Variants in PRSS23 observed in about 807,000 individuals in gnomAD.
PRSS23 encodes the protein protease, serine 23.
Under a neutral mutation model 34.7 loss-of-function variants are expected in PRSS23, and 25 were observed. The ratio of observed to expected loss-of-function variants is 0.72; its 90% CI spans 0.53 to 1.01. The LOEUF (loss-of-function observed/expected upper bound fraction) is 1.01. PRSS23 is among the 50% of genes least tolerant of loss of function. The pLI, the probability that PRSS23 is intolerant of heterozygous loss-of-function variation, is 0.00. For missense variants in PRSS23, 445 were observed against 475.6 expected, an observed-to-expected ratio of 0.94 and a Z score of 0.60; for synonymous variants, 176 against 186.6, an observed-to-expected ratio of 0.94 and a Z score of 0.46.
At chr11:86,869,892 C>T (rs1203417723) in intron 2 of PRSS23, among the ~76,000 whole-genome samples, 2 of 152,166 alleles carry the variant, frequency 1.3e-5, no homozygotes, top group African/African-American at 2.4e-5. Flanking sequence ...AAACACAGTA[C>T]GTCGTCAGTA....
In PRSS23 at chr11:86,884,086, G is replaced by A. The variant is rs147643390; in HGVS notation, c.206+60493G>A. On this transcript the variant is annotated intron_variant, in intron 2 of 2. Coordinates refer to the PRSS23 transcript ENST00000533902. ...TAATTCTCTCTTATGGCTATAGCCAGTAAATCATCTAGTCTTATTGCCTCT... is the reference window on the plus strand; with the variant it reads ...TAATTCTCTCTTATGGCTATAGCCAATAAATCATCTAGTCTTATTGCCTCT... 4.0e-3 allele frequency among the ~76,000 whole-genome samples: 606 copies of A among 152,244 alleles called. 6 individuals carry two copies. Among genetic ancestry groups the A allele is most frequent in the Middle Eastern group, 0.027 (8 of 294 alleles).
At chr11:86,801,742 A>G (rs1389109297) in intron 1 of PRSS23, among the ~76,000 whole-genome samples, 1 of 152,340 alleles carries the variant, frequency 6.6e-6, no homozygotes, top group East Asian at 1.9e-4. Context: ...AACCGTGCCT[A>G]CCATGAAGTC....
chr11:86,892,595 G>A (rs1948849043), intron 2 of PRSS23, among the ~76,000 whole-genome samples: 1 of 152,152 alleles, frequency 6.6e-6, no homozygotes, highest in Non-Finnish European at 1.5e-5. Flanking sequence ...ATTGAATACT[G>A]GCTGCTCAGC....
rs375972375 is a variant in PRSS23 at position 86,821,778 on chromosome 11, C to T, written c.-11-1599C>T. On this transcript the variant is annotated intron_variant, in intron 1 of 2. Transcript: ENST00000533902. Reference sequence around the variant, plus strand: ...AATTATAAAAATCCTGTGCCCAGCCCGTTCCGCCTCAGCACGCTGCCCCCT... The same window carrying T: ...AATTATAAAAATCCTGTGCCCAGCCTGTTCCGCCTCAGCACGCTGCCCCCT... 5.8e-5 allele frequency: 63 copies of T among 1,078,144 alleles called. No individual in the cohort carries two copies. The African/African-American group carries it at 7.9e-4, about 13-fold the overall frequency. The allele number at this position is 1,078,144 out of a possible 1,614,324, so 66.8% of individuals were successfully genotyped here. A position where few individuals can be genotyped will look rare whatever the true frequency, so the allele number is the denominator to read the frequency against.
chr11:86,883,165 C>T (rs544689882), intron 2 of PRSS23, among the ~76,000 whole-genome samples: 1 of 152,088 alleles, frequency 6.6e-6, no homozygotes, highest in African/African-American at 2.4e-5. Context: ...TCTGTTTACT[C>T]CGTTGAAAAA....
intron 1 of PRSS23, among the ~76,000 whole-genome samples, chr11:86,804,857 T>C (rs562431023): frequency 6.6e-6 from 1 of 152,346 alleles, no homozygotes; most frequent in African/African-American, 2.4e-5. Flanking sequence ...TGCCATGTTC[T>C]TCATGCACAT....
intron 2 of PRSS23, among the ~76,000 whole-genome samples, chr11:86,846,343 T>G (rs1304321056): frequency 7.9e-5 from 12 of 152,118 alleles, no homozygotes; most frequent in Non-Finnish European, 1.8e-4. Flanking sequence ...TCCTTAGAAT[T>G]TGGAGGCTAA....
At chr11:86,940,142 A>T (rs771871161) in intron 2 of PRSS23, among the ~76,000 whole-genome samples, 34 of 152,220 alleles carry the variant, frequency 2.2e-4, no homozygotes, top group Non-Finnish European at 3.4e-4. Context: ...CTCTCCTCCC[A>T]AGGACCCTGT....
intron 2 of PRSS23, among the ~76,000 whole-genome samples, chr11:86,886,663 G>T (rs1038564941): frequency 1.6e-4 from 24 of 152,200 alleles, no homozygotes; most frequent in Non-Finnish European, 2.9e-4. Flanking sequence ...TTGCAGCCAG[G>T]TGCGGTGGCT....
chr11:86,835,434 G>T (rs1590886439), intron 2 of PRSS23, among the ~76,000 whole-genome samples: 1 of 152,324 alleles, frequency 6.6e-6, no homozygotes, highest in Non-Finnish European at 1.5e-5. Context: ...ATAAAGAAAA[G>T]TCTTGCCCCG....
intron 2 of PRSS23, among the ~76,000 whole-genome samples, chr11:86,873,074 C>A (rs1948695514): frequency 6.6e-6 from 1 of 151,880 alleles, no homozygotes; most frequent in African/African-American, 2.4e-5. Flanking sequence ...ATTTCAGGGG[C>A]TATGGTGGAC....
chr11:86,900,374 C>T (rs146693242), intron 2 of PRSS23, among the ~76,000 whole-genome samples: 1 of 152,318 alleles, frequency 6.6e-6, no homozygotes, highest in African/African-American at 2.4e-5. Context: ...TTGCAATATG[C>T]ATTTGATGAC....
At chr11:86,828,859 G>T (rs1466276281) in intron 2 of PRSS23, among the ~76,000 whole-genome samples, 2 of 152,202 alleles carry the variant, frequency 1.3e-5, no homozygotes, top group Non-Finnish European at 2.9e-5. Flanking sequence ...TCTGCCGAGA[G>T]ATCCGCTGTT....
chr11:86,796,266 C>T (rs918654763), upstream of PRSS23, among the ~76,000 whole-genome samples: 1 of 152,060 alleles, frequency 6.6e-6, no homozygotes, highest in Non-Finnish European at 1.5e-5. Flanking sequence ...AGTATGGCAC[C>T]GAGTAGACTA....
chr11:86,867,420 A>G (rs1279191986), intron 2 of PRSS23, among the ~76,000 whole-genome samples: 3 of 152,226 alleles, frequency 2.0e-5, no homozygotes, highest in Non-Finnish European at 2.9e-5. Flanking sequence ...TCTTAAGAAC[A>G]GAGTGTCATA....
intron 2 of PRSS23, among the ~76,000 whole-genome samples, chr11:86,939,423 T>TTTTTTTTTTTAAA (rs1565392807): frequency 3.0e-5 from 3 of 100,424 alleles, no homozygotes; most frequent in African/African-American, 6.4e-5. Context: ...TATATATATA[T>TTTTTTTTTTTAAA]ATATTTTTTA....
At chr11:86,837,910 G>T (rs1300245115) in intron 2 of PRSS23, among the ~76,000 whole-genome samples, 3 of 152,132 alleles carry the variant, frequency 2.0e-5, no homozygotes, top group Non-Finnish European at 4.4e-5. Flanking sequence ...TGAGGTACCT[G>T]GTTCTTCTCA....
chr11:86,846,132 G>A (rs1405688542), intron 2 of PRSS23, among the ~76,000 whole-genome samples: 1 of 152,154 alleles, frequency 6.6e-6, no homozygotes, highest in South Asian at 2.1e-4. Context: ...GCTCAATAAA[G>A]CCTACAACTT....
chr11:86,815,598 A>G (rs2135609812), downstream of PRSS23, among the ~76,000 whole-genome samples: 1 of 152,330 alleles, frequency 6.6e-6, no homozygotes, highest in East Asian at 1.9e-4. Flanking sequence ...AGCATGTGTT[A>G]CATTGCTGTT....
Sources: gnomAD v4.1 joint callset for allele counts (sites outside exome capture counted in the v4.1 genomes callset) on GRCh38, gnomAD v4.1.1 for gene constraint, MANE v1.5 for transcripts, NCBI Gene and HGNC (gene_info 2026-07-23, HGNC 2026-07-21) for gene names.